The following ALKAL1 variants were observed in gnomAD, a reference collection of about 807,000 sequenced individuals.
ALKAL1 encodes AUG-beta.
ALKAL1 carries 23 observed loss-of-function variants against 13.5 expected under a neutral mutation model. The observed-to-expected ratio is 1.70, with a 90% CI of 1.23 to 2.41. ALKAL1 has a LOEUF of 2.41. ALKAL1 is among the 30% of genes most tolerant of loss of function. The pLI, the probability that ALKAL1 is intolerant of heterozygous loss-of-function variation, is 0.00. For missense variants in ALKAL1, 181 were observed against 178.4 expected (o/e 1.01, Z -0.08); for synonymous variants, 85 against 77.7 (o/e 1.09, Z -0.49).
intron 1 of ALKAL1, among the ~76,000 whole-genome samples, chr8:52,553,361 G>A (rs1409255560): frequency 6.6e-6 from 1 of 152,092 alleles, no homozygotes; most frequent in Non-Finnish European, 1.5e-5. Context: ...AAAAAAATTG[G>A]AAGGTGCAGC....
intron 1 of ALKAL1, among the ~76,000 whole-genome samples, chr8:52,548,333 G>A (rs1172044427): frequency 2.0e-5 from 3 of 151,524 alleles, no homozygotes. Flanking sequence ...CGACAAGAGC[G>A]AGACTCCGTC....
At chr8:52,547,392 C>T (rs964996606) in intron 1 of ALKAL1, among the ~76,000 whole-genome samples, 2 of 151,944 alleles carry the variant, frequency 1.3e-5, no homozygotes, top group East Asian at 1.9e-4. Flanking sequence ...CCCAGCTACT[C>T]GGAAGGCTGA....
At chr8:52,560,460 A>G (rs1476715700) in intron 1 of ALKAL1, among the ~76,000 whole-genome samples, 1 of 152,330 alleles carries the variant, frequency 6.6e-6, no homozygotes, top group South Asian at 2.1e-4. Context: ...AGCAACAAAG[A>G]TCTTAGAAAT....
In ALKAL1 at chr8:52,565,160, T is replaced by G; in HGVS notation, c.97A>C (p.Arg33=). 10 of 1,393,896 alleles carry G rather than the reference T, an allele frequency of 7.2e-6. No homozygotes were observed. Among genetic ancestry groups the G allele is most frequent in the Non-Finnish European group, 9.4e-6 (10 of 1,065,302 alleles). 86.3% of individuals were successfully genotyped at this position (1,393,896 alleles called of 1,614,324 possible). A position where few individuals can be genotyped will look rare whatever the true frequency, so the allele number is the denominator to read the frequency against. The change falls in exon 1 of 5, where the codon AGG becomes CGG. Residue 33 remains arginine (R), a synonymous_variant. Coordinates refer to ENST00000358543, the MANE Select transcript of ALKAL1 (RefSeq NM_207413.4). The part of the protein sequence containing the change: ...HGAHGRPRGR[R]GARVTDKEPK... ...TCCTTATCCGTGACGCGCGCTCCCC[T>G]GCGCCCCCGGGGCCTCCCGTGGGCT...
rs193045818 is a variant in ALKAL1, at chr8:52,538,539, T to C, written c.326-32A>G. 174 of 1,370,464 alleles carry C rather than the reference T, an allele frequency of 1.3e-4. 1 individual carries two copies. In the East Asian group the frequency reaches 4.0e-3, roughly 32 times the overall value. 84.9% of individuals were successfully genotyped at this position (1,370,464 alleles called of 1,614,324 possible). ...AAAACATTTAAAGGTAAATTATATA[T>C]AGAGTTACTAGAAATGTTGGGGAAA... On this transcript the variant is annotated intron_variant, in intron 3 of 4. Transcript: ENST00000358543.
At chr8:52,551,489 G>A (rs1377087705) in intron 1 of ALKAL1, among the ~76,000 whole-genome samples, 2 of 138,944 alleles carry the variant, frequency 1.4e-5, no homozygotes, top group African/African-American at 2.7e-5. Context: ...TTTACTTTTT[G>A]TAGAGAAGGG....
Position 52,556,518 on chromosome 8 carries a change from G to T in ALKAL1, c.190+8549C>A, listed in dbSNP as rs1261645400. 1.3e-5 allele frequency among the ~76,000 whole-genome samples: 2 copies of T among 151,512 alleles called. 1 individual carries two copies. On this transcript the variant is annotated intron_variant, in intron 1 of 4. Transcript: ENST00000358543. ...AAAAATTAGCCGGGCGTGGTGGCGC[G>T]CGCCTGTAGTCCCAGCTACACGGGA...
At chr8:52,536,469 G>T (rs1417578525) in intron 4 of ALKAL1, among the ~76,000 whole-genome samples, 1 of 152,090 alleles carries the variant, frequency 6.6e-6, no homozygotes, top group African/African-American at 2.4e-5. Context: ...ATTTAGGATC[G>T]TACAAATACT....
chr8:52,562,735 G>A (rs1590871730), intron 1 of ALKAL1, among the ~76,000 whole-genome samples: 1 of 150,554 alleles, frequency 6.6e-6, no homozygotes, highest in East Asian at 1.9e-4. Flanking sequence ...CTGGGTGATG[G>A]TGCTTATTAC....
intron 1 of ALKAL1, among the ~76,000 whole-genome samples, chr8:52,546,515 T>C (rs960514252): frequency 2.6e-5 from 4 of 152,254 alleles, no homozygotes; most frequent in Non-Finnish European, 5.9e-5. Context: ...TACTCAGGCA[T>C]GTCTGGACAG....
intron 1 of ALKAL1, among the ~76,000 whole-genome samples, chr8:52,553,424 T>C (rs547665877): frequency 6.6e-6 from 1 of 152,330 alleles, no homozygotes; most frequent in South Asian, 2.1e-4. Flanking sequence ...TTTTAAATGA[T>C]CTGACTTCAA....
In ALKAL1 at chr8:52,539,217, C is replaced by G. The variant is rs533278951; in HGVS notation, c.325+614G>C. Among the ~76,000 whole-genome samples, 205 of 152,234 alleles carry G rather than the reference C, an allele frequency of 1.3e-3. 1 individual carries two copies. Among genetic ancestry groups the G allele is most frequent in the African/African-American group, 4.8e-3 (201 of 41,562 alleles). On this transcript the variant is annotated intron_variant, in intron 3 of 4. Transcript: ENST00000358543. ...AAACAAAATGCTTAGAATTCATGTT[C>G]TTTAAAAGGAAAGTTGAGGCTTAGA... is the stretch of plus-strand genomic sequence containing the variant.
chr8:52,557,472 A>T (rs907857445), intron 1 of ALKAL1, among the ~76,000 whole-genome samples: 9 of 152,204 alleles, frequency 5.9e-5, no homozygotes, highest in Admixed American at 1.3e-4. Context: ...TTTTTACAAA[A>T]CTATCAGCCA....
chr8:52,544,179 G>A (rs954411980), intron 1 of ALKAL1, among the ~76,000 whole-genome samples: 12 of 152,002 alleles, frequency 7.9e-5, no homozygotes, highest in Admixed American at 3.9e-4. Context: ...GGTTGCTACC[G>A]CTCAAATGGA....
intron 1 of ALKAL1, among the ~76,000 whole-genome samples, chr8:52,564,581 G>C (rs1436300633): frequency 6.6e-6 from 1 of 152,174 alleles, no homozygotes; most frequent in Non-Finnish European, 1.5e-5. Flanking sequence ...ATAAGCCGCC[G>C]CCTGCTGAAA....
At chr8:52,544,350 G>A (rs577891352) in intron 1 of ALKAL1, among the ~76,000 whole-genome samples, 2 of 152,130 alleles carry the variant, frequency 1.3e-5, no homozygotes, top group Non-Finnish European at 1.5e-5. Flanking sequence ...GTTGACACCC[G>A]AAGTAACAAG....
chr8:52,564,658 CG>C (rs879499063), intron 1 of ALKAL1, among the ~76,000 whole-genome samples: 2 of 152,134 alleles, frequency 1.3e-5, no homozygotes, highest in Non-Finnish European at 2.9e-5. Context: ...ATTCCTGGCA[CG>C]GTCAGGTGTC....
Position 52,561,415 on chromosome 8 carries a change from T to C in ALKAL1, c.190+3652A>G, listed in dbSNP as rs182375805. Among the ~76,000 whole-genome samples the C allele has an allele frequency of 1.9e-3, 286 of 152,210 alleles. 3 individuals carry two copies. The highest frequency in any genetic ancestry group is 3.4e-3 in the Middle Eastern group (1 of 294). On this transcript the variant is annotated intron_variant, in intron 1 of 4. Transcript: ENST00000358543. ...AAGGAAGGGGGCCTAGATGGATGAA[T>C]AGAATTCCAGCAGGCAGAGGTAAGA...
At chr8:52,564,762 G>A (rs1396805834) in intron 1 of ALKAL1, among the ~76,000 whole-genome samples, 1 of 152,164 alleles carries the variant, frequency 6.6e-6, no homozygotes, top group African/African-American at 2.4e-5. Flanking sequence ...CCCCTCGGTC[G>A]GTGGGACTGA....
Sources: gnomAD v4.1 joint callset for allele counts (sites outside exome capture counted in the v4.1 genomes callset) on GRCh38, gnomAD v4.1.1 for gene constraint, MANE v1.5 for transcripts, NCBI Gene and HGNC (gene_info 2026-07-23, HGNC 2026-07-21) for gene names.